MTARC1: variants seen among roughly 807,000 people sequenced by gnomAD.
MTARC1 encodes mitochondrial amidoxime-reducing component 1.
A neutral mutation model predicts 33.6 loss-of-function variants in MTARC1; 24 were observed. The observed-to-expected ratio is 0.72, with a 90% CI of 0.52 to 1.01. MTARC1 has a LOEUF of 1.01. Ranked by LOEUF, MTARC1 falls within the 50% of genes least tolerant of loss-of-function variation. The probability of loss-of-function intolerance (pLI) is 0.00; values close to 1 mark genes in which losing one functional copy is unlikely to be tolerated. For synonymous variants in MTARC1, 187 were observed against 189.5 expected (o/e 0.99, Z 0.11); for missense variants, 417 against 445.7 (o/e 0.94, Z 0.58).
intron 2 of MTARC1, among the ~76,000 whole-genome samples, chr1:220,795,662 T>C (rs1407360946): frequency 3.3e-5 from 5 of 152,238 alleles, no homozygotes; most frequent in African/African-American, 1.2e-4. Context: ...TGGCTACCTG[T>C]ATACAAACTT....
Position 220,791,547 on chromosome 1 carries a change from G to T in MTARC1, c.332G>T (p.Arg111Leu), listed in dbSNP as rs141446287. Residue 111 changes from arginine (R) to leucine (L), a missense_variant, in exon 2 of 7, where the codon CGC becomes CTC. Physicochemically the swap from Arg to Leu is moderately radical, Grantham distance 102. Transcript: ENST00000366910. The part of the protein sequence containing the change: ...GNMVTARQEP[R>L]LVLISLTCDG... ...ATGGTTACTGCTCGCCAGGAACCTC[G>T]CCTGGTCCTGATTTCCCTGACCTGC... is the stretch of plus-strand genomic sequence containing the variant. 7 of 1,614,020 alleles carry T rather than the reference G, an allele frequency of 4.3e-6. No homozygotes were observed. The highest frequency in any genetic ancestry group is 1.3e-5 in the African/African-American group (1 of 74,898).
chr1:220,801,699 G>A (rs1672812099), intron 4 of MTARC1, among the ~76,000 whole-genome samples: 1 of 152,054 alleles, frequency 6.6e-6, no homozygotes, highest in Admixed American at 6.5e-5. Context: ...GCCAGGGAGT[G>A]ACTGAATCCG....
At chr1:220,793,346 T>G (rs1325421802) in intron 2 of MTARC1, 1 of 152,224 alleles carries the variant, frequency 6.6e-6, no homozygotes, top group African/African-American at 2.4e-5. Flanking sequence ...CATTTGAAAT[T>G]GTGTTGAAAC....
chr1:220,800,800 C>T (rs935598675), intron 4 of MTARC1, among the ~76,000 whole-genome samples: 13 of 152,224 alleles, frequency 8.5e-5, no homozygotes, highest in Admixed American at 5.9e-4. Flanking sequence ...CTCTGACTTC[C>T]GCTGGCTCAG....
Position 220,815,761 on chromosome 1 carries a change from A to G in MTARC1, c.*2343A>G, listed in dbSNP as rs963222727. ...GAATCAGGAATGTAGGCCATCCCAG[A>G]CTTTCAGATCTTACAACAGCAAATG... On this transcript the variant is annotated 3_prime_UTR_variant, in exon 7 of 7. Coordinates refer to ENST00000366910, the MANE Select transcript of MTARC1 (RefSeq NM_022746.4). 1 of 152,212 alleles carries G rather than the reference A, an allele frequency of 6.6e-6. No homozygotes were observed. Among genetic ancestry groups the G allele is most frequent in the Non-Finnish European group, 1.5e-5 (1 of 68,046 alleles). 9.4% of individuals were successfully genotyped at this position (152,212 alleles called of 1,614,324 possible).
rs533618629 is a variant in MTARC1 at position 220,808,217 on chromosome 1, C to G, written c.887+2943C>G. Among the ~76,000 whole-genome samples, 7 of 152,296 alleles carry G rather than the reference C, an allele frequency of 4.6e-5. No homozygotes were observed. In the East Asian group the frequency reaches 1.4e-3, roughly 29 times the overall value. The stretch of plus-strand genomic sequence containing the variant: ...TTGTTCTCTGCATCTTCAGTGCCCC[C>G]CTTCCTCCATTGGGAGCCTGTGTTT... On this transcript the variant is annotated intron_variant, in intron 6 of 6. Coordinates refer to ENST00000366910, the MANE Select transcript of MTARC1 (RefSeq NM_022746.4).
At chr1:220,799,235 G>A in intron 4 of MTARC1, 2 of 947,340 alleles carry the variant, frequency 2.1e-6, no homozygotes, top group South Asian at 9.8e-5. Context: ...AACTTCCAAG[G>A]GTAGCGTTTC....
rs1571668064 is a variant in MTARC1 at position 220,796,576 on chromosome 1, C to G, written c.450-67C>G. The G allele has an allele frequency of 2.7e-6, 4 of 1,468,062 alleles. No individual in the cohort carries two copies. In the East Asian group the frequency reaches 1.0e-4, roughly 38 times the overall value. 90.9% of individuals were successfully genotyped at this position (1,468,062 alleles called of 1,614,324 possible). On this transcript the variant is annotated intron_variant, in intron 2 of 6. Transcript: ENST00000366910. ...GCTAGGAGCAGCTTTTCTGATATAG[C>G]TGGCACATATTAGGGTGCATGGATT...
intron 4 of MTARC1, among the ~76,000 whole-genome samples, chr1:220,801,083 A>G (rs1352374724): frequency 1.3e-5 from 2 of 152,068 alleles, no homozygotes; most frequent in African/African-American, 4.8e-5. Flanking sequence ...AAGCCCTCTC[A>G]TGGTTCTCCA....
Position 220,805,273 on chromosome 1 carries a change from A to T in MTARC1, c.886A>T (p.Ser296Cys), listed in dbSNP as rs771660361. ...SRKEPLETLK[S>C]YRQCDPSERK... ...GAAGGAACCGCTGGAAACACTGAAGAGGTAGGACTGGGCAGACGGGGCTCA... is the reference window on the plus strand; with the variant it reads ...GAAGGAACCGCTGGAAACACTGAAGTGGTAGGACTGGGCAGACGGGGCTCA... Residue 296 changes from serine (S) to cysteine (C), a missense_variant and splice_region_variant, in exon 6 of 7, where the codon AGT becomes TGT. Physicochemically the swap from Ser to Cys is moderately radical, Grantham distance 112. Transcript: ENST00000366910. 6.8e-6 allele frequency: 11 copies of T among 1,612,768 alleles called. No individual in the cohort carries two copies. Among genetic ancestry groups the T allele is most frequent in the Non-Finnish European group, 9.3e-6 (11 of 1,180,006 alleles).
chr1:220,791,341 T>C, intron 1 of MTARC1, 150 bp from the exon 2 acceptor site: 1 of 786,546 alleles, frequency 1.3e-6, no homozygotes, highest in Non-Finnish European at 2.0e-6. Context: ...TGCTGATGTT[T>C]AGGACAGACA....
intron 1 of MTARC1, among the ~76,000 whole-genome samples, chr1:220,790,414 G>T (rs1306094966): frequency 3.3e-5 from 5 of 152,126 alleles, no homozygotes; most frequent in Admixed American, 6.5e-5. Context: ...AGTTAGATTT[G>T]CATTTTAGAG....
rs376097255 is a variant in MTARC1 at position 220,801,910 on chromosome 1, G to A, written c.754-3142G>A. ...CTTTTCGCTGCCTCCCTTCATCATCGGCACTCCCCACACACATTTCTTACA... is the reference window on the plus strand; with the variant it reads ...CTTTTCGCTGCCTCCCTTCATCATCAGCACTCCCCACACACATTTCTTACA... On this transcript the variant is annotated intron_variant, in intron 4 of 6. Transcript: ENST00000366910. Among the ~76,000 whole-genome samples, 11 of 151,972 alleles carry A rather than the reference G, an allele frequency of 7.2e-5. No homozygotes were observed. The South Asian group carries it at 8.3e-4, about 12-fold the overall frequency.
rs760393217 is a variant in MTARC1, at chr1:220,805,112, A to G, written c.814A>G (p.Arg272Gly). The stretch of plus-strand genomic sequence containing the variant: ...ACTGAAAAGGGTGATGGCTTGTTCC[A>G]GGTAAGGTGCTTTCCTGTCCCTGTG... ...VELKRVMACS[R>G]CILTTVDPDT... The change falls in exon 5 of 7, where the codon AGA (arginine) becomes GGA (glycine). Residue 272 changes from arginine to glycine, a missense_variant and splice_region_variant. Transcript: ENST00000366910. The G allele has an allele frequency of 1.2e-5, 20 of 1,614,168 alleles. No individual in the cohort carries two copies. The East Asian group carries it at 4.2e-4, about 34-fold the overall frequency.
rs1011678089 is a variant in MTARC1, at chr1:220,815,100, G to A, written c.*1682G>A. ...TACATCAATTTTCCAGAGAACCTGGGCCATCACCTTCCCCAACAAGTCCAG... is the reference window on the plus strand; with the variant it reads ...TACATCAATTTTCCAGAGAACCTGGACCATCACCTTCCCCAACAAGTCCAG... On this transcript the variant is annotated 3_prime_UTR_variant, in exon 7 of 7. Coordinates refer to ENST00000366910, the MANE Select transcript of MTARC1 (RefSeq NM_022746.4). 2 of 152,212 alleles carry A rather than the reference G, an allele frequency of 1.3e-5. No individual in the cohort carries two copies. Among genetic ancestry groups the A allele is most frequent in the Admixed American group, 6.5e-5 (1 of 15,284 alleles). 9.4% of individuals were successfully genotyped at this position (152,212 alleles called of 1,614,324 possible).
Position 220,814,423 on chromosome 1 carries a change from G to A in MTARC1, c.*1005G>A, listed in dbSNP as rs1444870997. On this transcript the variant is annotated 3_prime_UTR_variant, in exon 7 of 7. Transcript: ENST00000366910. ...GATCTTACTAACTTCTTGGCACAAA[G>A]TTAGACTGTGAAAGCTGACTGAGGC... The A allele has an allele frequency of 6.6e-6, 1 of 152,212 alleles. No homozygotes were observed. The highest frequency in any genetic ancestry group is 2.1e-4 in the South Asian group (1 of 4,836). The allele number at this position is 152,212 out of a possible 1,614,324, so 9.4% of individuals were successfully genotyped here. A position where few individuals can be genotyped will look rare whatever the true frequency, so the allele number is the denominator to read the frequency against.
intron 4 of MTARC1, chr1:220,798,516 T>C: frequency 1.0e-6 from 1 of 985,448 alleles, no homozygotes; most frequent in Non-Finnish European, 1.2e-6. Context: ...TGCCCTCAGA[T>C]GTTTGCGTGG....
At chr1:220,799,919 A>G (rs1255852985) in intron 4 of MTARC1, among the ~76,000 whole-genome samples, 1 of 152,220 alleles carries the variant, frequency 6.6e-6, no homozygotes, top group Non-Finnish European at 1.5e-5. Context: ...GTCGATGACA[A>G]TTTGTGGAAA....
chr1:220,800,336 G>A (rs1672753567), intron 4 of MTARC1, among the ~76,000 whole-genome samples: 1 of 152,214 alleles, frequency 6.6e-6, no homozygotes, highest in Non-Finnish European at 1.5e-5. Context: ...TGTGTGGCAT[G>A]CGCTGTGAAT....
Sources: gnomAD v4.1 joint callset for allele counts (sites outside exome capture counted in the v4.1 genomes callset) on GRCh38, gnomAD v4.1.1 for gene constraint, MANE v1.5 for transcripts, NCBI Gene and HGNC (gene_info 2026-07-23, HGNC 2026-07-21) for gene names.